The following ZNF621 variants were observed in gnomAD, a reference collection of about 807,000 sequenced individuals.
ZNF621 encodes the protein zinc finger protein 621.
In ZNF621, 6 loss-of-function variants were observed where a neutral mutation model predicts 12.7. The observed-to-expected ratio is 0.47, with a 90% CI of 0.26 to 0.93. The LOEUF (loss-of-function observed/expected upper bound fraction) is 0.93. Ranked by LOEUF, ZNF621 falls within the 40% of genes least tolerant of loss-of-function variation. The pLI is 0.15. For synonymous variants in ZNF621, 156 were observed against 190.3 expected (o/e 0.82, Z 1.48); for missense variants, 474 against 524.0 (o/e 0.90, Z 0.93).
intron 4 of ZNF621, among the ~76,000 whole-genome samples, chr3:40,531,588 G>A (rs1449179886): frequency 1.3e-5 from 2 of 151,856 alleles, no homozygotes; most frequent in South Asian, 2.1e-4. Context: ...TTTAAGACAG[G>A]GTCTAGCTCC....
At position 40,539,594 on chromosome 3, in the gene ZNF621, A is replaced by G. The variant is rs1196871964; in HGVS notation, c.*6504A>G. On this transcript the variant is annotated 3_prime_UTR_variant, in exon 5 of 5. Transcript: ENST00000339296. ...TTTTATTACAGTTGTCTGGAAGCAA[A>G]CCTGCAATATCTCCAAGATATGCCT... 4 of 152,156 alleles carry G rather than the reference A, an allele frequency of 2.6e-5. No individual in the cohort carries two copies. Among genetic ancestry groups the G allele is most frequent in the Non-Finnish European group, 5.9e-5 (4 of 68,026 alleles). The allele number at this position is 152,156 out of a possible 1,614,324, so 9.4% of individuals were successfully genotyped here.
chr3:40,529,082 C>A (rs1005407896), intron 2 of ZNF621, among the ~76,000 whole-genome samples: 10 of 152,202 alleles, frequency 6.6e-5, no homozygotes, highest in Admixed American at 3.3e-4. Context: ...GAATCAGCAG[C>A]AGTTACGGGC....
chr3:40,527,103 C>T (rs1229667282), intron 2 of ZNF621, among the ~76,000 whole-genome samples: 1 of 152,152 alleles, frequency 6.6e-6, no homozygotes, highest in Admixed American at 6.5e-5. Context: ...CTGCAACCTC[C>T]ACTTCCCTTG....
In ZNF621 at chr3:40,534,876, C is replaced by T. The variant is rs1698826019; in HGVS notation, c.*1786C>T. The T allele has an allele frequency of 6.6e-6, 1 of 152,174 alleles. No homozygotes were observed. Among genetic ancestry groups the T allele is most frequent in the South Asian group, 2.1e-4 (1 of 4,826 alleles). 9.4% of individuals were successfully genotyped at this position (152,174 alleles called of 1,614,324 possible). On this transcript the variant is annotated 3_prime_UTR_variant, in exon 5 of 5. Transcript: ENST00000339296. The stretch of plus-strand genomic sequence containing the variant: ...TCTCTGTTCCTGCACCAAAAATGAT[C>T]AGGAGAAAGCATATTACCAGGCTGA...
chr3:40,535,713 G>C lies in ZNF621; in HGVS notation c.*2623G>C, dbSNP rs1039641616. On this transcript the variant is annotated 3_prime_UTR_variant, in exon 5 of 5. Transcript: ENST00000339296. ...AGGTTTTGGATTCTGCCTGGGAAGA[G>C]AGTCATAGTATGAAGAAGTCTGAAA... is the stretch of plus-strand genomic sequence containing the variant. 3.3e-5 allele frequency: 5 copies of C among 152,146 alleles called. No homozygotes were observed. Among genetic ancestry groups the C allele is most frequent in the Non-Finnish European group, 7.3e-5 (5 of 68,044 alleles). The allele number at this position is 152,146 out of a possible 1,614,324, so 9.4% of individuals were successfully genotyped here. A position where few individuals can be genotyped will look rare whatever the true frequency, so the allele number is the denominator to read the frequency against.
At chr3:40,528,227 A>G (rs60112148) in intron 2 of ZNF621, among the ~76,000 whole-genome samples, 95,167 of 152,174 alleles carry the variant, frequency 0.63, 32,231 homozygotes, top group African/African-American at 0.9. Flanking sequence ...CCAAAATGTC[A>G]TATAGCCAGA....
At chr3:40,528,935 T>G (rs1289183983) in intron 2 of ZNF621, among the ~76,000 whole-genome samples, 1 of 152,224 alleles carries the variant, frequency 6.6e-6, no homozygotes, top group African/African-American at 2.4e-5. Flanking sequence ...TAGCATGTCT[T>G]CTCATTTTCT....
At chr3:40,531,920 A>G in intron 4 of ZNF621, 110 bp from the exon 5 acceptor site, 2 of 1,036,402 alleles carry the variant, frequency 1.9e-6, no homozygotes, top group East Asian at 4.8e-5. Flanking sequence ...GTATATAACC[A>G]TTTCACAGGT....
At position 40,532,418 on chromosome 3, in the gene ZNF621, G is replaced by A. The variant is rs1698750584; in HGVS notation, c.648G>A (p.Leu216=). The A allele has an allele frequency of 6.2e-7, 1 of 1,613,362 alleles. No individual in the cohort carries two copies. The highest frequency in any genetic ancestry group is 8.5e-7 in the Non-Finnish European group (1 of 1,179,906). Residue 216 remains leucine (L), a synonymous_variant, in exon 5 of 5, where the codon TTG becomes TTA. Transcript: ENST00000339296. The part of the protein sequence containing the change: ...PYECKECGKG[L]SSNTALTQHQ... ...AATGTAAGGAGTGTGGCAAAGGTTT[G>A]AGTTCCAACACAGCCTTGACTCAAC...
intron 1 of ZNF621, 52 bp from the exon 2 acceptor site, chr3:40,525,727 T>C (rs1490203675): frequency 1.4e-6 from 2 of 1,440,230 alleles, no homozygotes; most frequent in African/African-American, 2.8e-5. Flanking sequence ...CATAGGTTGC[T>C]GTAGGTGGTG....
intron 1 of ZNF621, 57 bp from the exon 2 acceptor site, chr3:40,525,722 G>GTTGC: frequency 7.2e-7 from 1 of 1,385,028 alleles, no homozygotes; most frequent in Non-Finnish European, 1.0e-6. Flanking sequence ...AGGGCCATAG[G>GTTGC]TTGCTGTAGG....
chr3:40,529,285 C>A (rs1385123160), intron 2 of ZNF621, 34 bp from the exon 3 acceptor site: 1 of 1,607,428 alleles, frequency 6.2e-7, no homozygotes, highest in South Asian at 1.1e-5. Context: ...TTCTACTTCT[C>A]ACTCAGAGAT....
Position 40,535,804 on chromosome 3 carries a change from G to A in ZNF621, c.*2714G>A, listed in dbSNP as rs1194105255. On this transcript the variant is annotated 3_prime_UTR_variant, in exon 5 of 5. Transcript: ENST00000339296. Reference sequence around the variant, plus strand: ...ATATCAGATACCCATTATAGGCATTGAAGGTTACCTAAATGACAGAAGGAT... The same window carrying A: ...ATATCAGATACCCATTATAGGCATTAAAGGTTACCTAAATGACAGAAGGAT... The A allele has an allele frequency of 2.0e-5, 3 of 152,142 alleles. No individual in the cohort carries two copies. Among genetic ancestry groups the A allele is most frequent in the Non-Finnish European group, 2.9e-5 (2 of 68,036 alleles). The allele number at this position is 152,142 out of a possible 1,614,324, so 9.4% of individuals were successfully genotyped here.
In ZNF621 at chr3:40,532,205, A is replaced by G. The variant is rs560448335; in HGVS notation, c.435A>G (p.Arg145=). The G allele has an allele frequency of 3.7e-6, 6 of 1,614,208 alleles. No individual in the cohort carries two copies. The highest frequency in any genetic ancestry group is 1.7e-5 in the Admixed American group (1 of 60,034). Residue 145 remains arginine (R), a synonymous_variant, in exon 5 of 5, where the codon CGA becomes CGG. Coordinates refer to ENST00000339296, the MANE Select transcript of ZNF621 (RefSeq NM_198484.5). ...TFNLNPNLIL[R]GGMKFYECKE... ...ATCTAAATCCAAATCTGATACTTCG[A>G]GGTGGAATGAAGTTCTATGAATGTA...
chr3:40,523,417 G>A (rs992906689), upstream of ZNF621, among the ~76,000 whole-genome samples: 2 of 152,194 alleles, frequency 1.3e-5, no homozygotes, highest in Non-Finnish European at 2.9e-5. Context: ...TTGGTGGTGA[G>A]GAGCCTGGTA....
chr3:40,534,888 T>C lies in ZNF621; in HGVS notation c.*1798T>C, dbSNP rs909343299. ...CACCAAAAATGATCAGGAGAAAGCA[T>C]ATTACCAGGCTGAACTGTCACTTTA... On this transcript the variant is annotated 3_prime_UTR_variant, in exon 5 of 5. Transcript: ENST00000339296. 7.9e-5 allele frequency: 12 copies of C among 152,242 alleles called. No individual in the cohort carries two copies. The highest frequency in any genetic ancestry group is 2.2e-4 in the African/African-American group (9 of 41,464). 9.4% of individuals were successfully genotyped at this position (152,242 alleles called of 1,614,324 possible).
At position 40,530,250 on chromosome 3, in the gene ZNF621, G is replaced by C. The variant is rs756816845; in HGVS notation, c.193G>C (p.Glu65Gln). 9 of 1,613,852 alleles carry C rather than the reference G, an allele frequency of 5.6e-6. No individual in the cohort carries two copies. The highest frequency in any genetic ancestry group is 1.6e-4 in the Middle Eastern group (1 of 6,062). The change falls in exon 4 of 5, where the codon GAG becomes CAG. Residue 65 changes from glutamate to glutamine, a missense_variant. Coordinates refer to ENST00000339296, the MANE Select transcript of ZNF621 (RefSeq NM_198484.5). ...CAAACCTGCTCTGATCTCCCACCTG[G>C]AGAGAGGGGAAGCACCATGGGGCCC... ...FPKPALISHL[E>Q]RGEAPWGPDP...
Position 40,534,950 on chromosome 3 carries a change from T to G in ZNF621, c.*1860T>G, listed in dbSNP as rs928179997. On this transcript the variant is annotated 3_prime_UTR_variant, in exon 5 of 5. Coordinates refer to ENST00000339296, the MANE Select transcript of ZNF621 (RefSeq NM_198484.5). ...AGTAACTTCATGGAGGCCCTTAACG[T>G]TTCCTGATGGTCATACTACAATTTT... 6.6e-6 allele frequency: 1 copy of G among 152,194 alleles called. No individual in the cohort carries two copies. 9.4% of individuals were successfully genotyped at this position (152,194 alleles called of 1,614,324 possible). A position where few individuals can be genotyped will look rare whatever the true frequency, so the allele number is the denominator to read the frequency against.
chr3:40,532,698 CAG>C lies in ZNF621; in HGVS notation c.933_934del (p.Arg311SerfsTer9), dbSNP rs750147067. 4 of 1,614,190 alleles carry C rather than the reference CAG, an allele frequency of 2.5e-6. No individual in the cohort carries two copies. Among genetic ancestry groups the C allele is most frequent in the Non-Finnish European group, 3.4e-6 (4 of 1,180,032 alleles). ...CCAGAAAATAGCCTCCATTCAGCAT[CAG>C]AGAGTTCACACTGGGGAGAAGCCTT... is the stretch of plus-strand genomic sequence containing the variant. ...FTQKIASIQHQRVHTGEKPYE... is the reference protein window; with the variant it reads ...FTQKIASIQHXRVHTGEKPYE... On this transcript the variant is annotated frameshift_variant, in exon 5 of 5. Transcript: ENST00000339296. LOFTEE classifies it low-confidence loss of function (END_TRUNC).
Sources: allele counts gnomAD v4.1 joint callset (sites outside exome capture counted in the v4.1 genomes callset), GRCh38; gene constraint gnomAD v4.1.1; transcripts MANE v1.5; gene names NCBI Gene and HGNC (gene_info 2026-07-23, HGNC 2026-07-21).